The following FAM98B variants were observed in gnomAD, a reference collection of about 807,000 sequenced individuals.
The protein encoded by FAM98B is tRNA splicing ligase complex subunit 3B.
A neutral mutation model predicts 43.9 loss-of-function variants in FAM98B; 32 were observed. That is an observed-to-expected ratio of 0.73 (90% CI 0.55 to 0.98). FAM98B has a LOEUF of 0.98. Ranked by LOEUF, FAM98B falls within the 50% of genes least tolerant of loss-of-function variation. FAM98B has a pLI of 0.00. For missense variants in FAM98B, 514 were observed against 522.9 expected, an observed-to-expected ratio of 0.98 and a Z score of 0.17; for synonymous variants, 190 against 174.0, an observed-to-expected ratio of 1.09 and a Z score of -0.72.
chr15:38,479,383 C>G (rs910297917), intron 6 of FAM98B, among the ~76,000 whole-genome samples: 1 of 152,202 alleles, frequency 6.6e-6, no homozygotes, highest in African/African-American at 2.4e-5. Context: ...ATAGCTACCT[C>G]TCAGCAGTCA....
intron 3 of FAM98B, among the ~76,000 whole-genome samples, chr15:38,468,934 T>C (rs905686155): frequency 8.5e-5 from 13 of 152,244 alleles, no homozygotes; most frequent in Admixed American, 5.9e-4. Context: ...TGAGATGGAA[T>C]CTTGATCTGT....
chr15:38,473,859 T>C (rs1890158971), intron 5 of FAM98B, among the ~76,000 whole-genome samples: 1 of 152,216 alleles, frequency 6.6e-6, no homozygotes. Context: ...AGATGAGTTA[T>C]TGGTATTTTC....
chr15:38,474,238 A>T lies in FAM98B; in HGVS notation c.669A>T (p.Arg223=). ...CCTGTGAATATGAGTGCCGCCGACGAATGTTAATGAAACGATTAGATGTGA... is the reference window on the plus strand; with the variant it reads ...CCTGTGAATATGAGTGCCGCCGACGTATGTTAATGAAACGATTAGATGTGA... ...ALSCEYECRR[R]MLMKRLDVTV... The change falls in exon 6 of 8, where the codon CGA becomes CGT. Residue 223 remains arginine (R), a synonymous_variant. Transcript: ENST00000397609. 6.2e-7 allele frequency: 1 copy of T among 1,613,900 alleles called. No homozygotes were observed. Among genetic ancestry groups the T allele is most frequent in the Non-Finnish European group, 8.5e-7 (1 of 1,179,834 alleles).
rs370148758 is a variant in FAM98B, at chr15:38,454,268, G to C, written c.71+36G>C. On this transcript the variant is annotated intron_variant, in intron 1 of 7. Transcript: ENST00000397609. ...TTGGAGACGCCTTTTCCCTGAAAAC[G>C]CAACCTCTCCTTGGCCTGGCTGCTT... The C allele has an allele frequency of 2.0e-4, 310 of 1,576,446 alleles. 3 individuals carry two copies. The Middle Eastern group carries it at 4.5e-3, about 23-fold the overall frequency.
chr15:38,479,727 A>G (rs1239792634), intron 6 of FAM98B, among the ~76,000 whole-genome samples: 1 of 152,156 alleles, frequency 6.6e-6, no homozygotes, highest in Non-Finnish European at 1.5e-5. Context: ...TTTCAGAGTA[A>G]AATTTTATGG....
At chr15:38,463,125 A>G (rs955670058) in intron 1 of FAM98B, among the ~76,000 whole-genome samples, 11 of 152,262 alleles carry the variant, frequency 7.2e-5, no homozygotes, top group African/African-American at 2.7e-4. Context: ...AATTCAGTTA[A>G]GATAGTATAT....
At chr15:38,459,106 G>A (rs773618567) in intron 1 of FAM98B, 50 of 339,588 alleles carry the variant, frequency 1.5e-4, no homozygotes, top group South Asian at 3.7e-4. Context: ...TCTCTCATTC[G>A]TCTCTTTCCA....
At chr15:38,479,269 A>G (rs529248725) in intron 6 of FAM98B, among the ~76,000 whole-genome samples, 5 of 152,284 alleles carry the variant, frequency 3.3e-5, no homozygotes, top group African/African-American at 9.6e-5. Flanking sequence ...TGCCTGGCCA[A>G]AATATACCAT....
chr15:38,474,018 C>T (rs1890161106), intron 5 of FAM98B, among the ~76,000 whole-genome samples, 164 bp from the exon 6 acceptor site: 1 of 152,074 alleles, frequency 6.6e-6, no homozygotes, highest in South Asian at 2.1e-4. Flanking sequence ...TTCAATTATG[C>T]TTTAGTATTT....
chr15:38,470,902 G>A (rs1375330678), intron 4 of FAM98B, among the ~76,000 whole-genome samples: 1 of 151,824 alleles, frequency 6.6e-6, no homozygotes, highest in Non-Finnish European at 1.5e-5. Flanking sequence ...GTACCCTGAT[G>A]GGGGTAGTTA....
rs115849049 is a variant in FAM98B, at chr15:38,464,074, G to A, written c.114G>A (p.Ala38=). 404 of 1,613,168 alleles carry A rather than the reference G, an allele frequency of 2.5e-4. 2 individuals are homozygous for A. The African/African-American group carries it at 4.1e-3, about 16-fold the overall frequency. Residue 38 remains alanine, a synonymous_variant, in exon 2 of 8, where the codon GCG becomes GCA. Coordinates refer to ENST00000397609, the MANE Select transcript of FAM98B (RefSeq NM_173611.4). ...PLLEEQALTK[A]AEGGLSSPEF... is the part of the protein sequence containing the mutation. ...TAGAAGAGCAAGCCCTTACAAAGGC[G>A]GCAGAGGGTGGATTATCTTCACCTG...
intron 6 of FAM98B, among the ~76,000 whole-genome samples, chr15:38,474,934 C>T (rs1890175784): frequency 6.6e-6 from 1 of 152,116 alleles, no homozygotes; most frequent in Non-Finnish European, 1.5e-5. Flanking sequence ...GTCCTGTGTT[C>T]CTTGATGTCC....
At chr15:38,466,286 T>C (rs1225658467) in intron 3 of FAM98B, among the ~76,000 whole-genome samples, 1 of 151,852 alleles carries the variant, frequency 6.6e-6, no homozygotes, top group East Asian at 1.9e-4. Context: ...AAAAATTATA[T>C]GCCCTCTCTC....
At chr15:38,458,475 G>T (rs796080668) in intron 1 of FAM98B, among the ~76,000 whole-genome samples, 1 of 152,084 alleles carries the variant, frequency 6.6e-6, no homozygotes, top group South Asian at 2.1e-4. Flanking sequence ...CCACTGAAAC[G>T]CTATATGCTG....
intron 3 of FAM98B, among the ~76,000 whole-genome samples, chr15:38,465,782 TACTC>T (rs1163638454): frequency 2.0e-5 from 3 of 152,278 alleles, no homozygotes. Flanking sequence ...GTTGATCACT[TACTC>T]TAACACCAAG....
intron 6 of FAM98B, among the ~76,000 whole-genome samples, chr15:38,479,870 G>C (rs117844623): frequency 0.011 from 1,740 of 152,256 alleles, 20 homozygotes; most frequent in Non-Finnish European, 0.019. Flanking sequence ...GAAATGTTGT[G>C]TCACTTTAGC....
At chr15:38,464,653 A>G (rs1313686409) in intron 2 of FAM98B, among the ~76,000 whole-genome samples, 3 of 152,166 alleles carry the variant, frequency 2.0e-5, no homozygotes, top group Non-Finnish European at 2.9e-5. Context: ...TTAGTTCATT[A>G]CCATCTTAGT....
intron 1 of FAM98B, chr15:38,458,906 A>G (rs79690801): frequency 2.3e-6 from 1 of 439,342 alleles, no homozygotes; most frequent in African/African-American, 2.0e-5. Flanking sequence ...AGAAGCAGAC[A>G]AGTTGTCCAG....
chr15:38,484,620 TGGTGGTGGTGGTGGAGGA>T lies in FAM98B; in HGVS notation c.1269_1286del (p.Gly424_Gly429del). 1 of 1,088,826 alleles carries T rather than the reference TGGTGGTGGTGGTGGAGGA, an allele frequency of 9.2e-7. No homozygotes were observed. The highest frequency in any genetic ancestry group is 1.2e-6 in the Non-Finnish European group (1 of 801,862). 67.4% of individuals were successfully genotyped at this position (1,088,826 alleles called of 1,614,324 possible). On this transcript the variant is annotated inframe_deletion, in exon 8 of 8. Coordinates refer to ENST00000397609, the MANE Select transcript of FAM98B (RefSeq NM_173611.4). ...CATATGGAGGAGGTGGTGGTGGTGG[TGGTGGTGGTGGTGGAGGA>T]GGTGGATATAGAAGATACTAAAAAC...
Sources: gnomAD v4.1 joint callset for allele counts (sites outside exome capture counted in the v4.1 genomes callset) on GRCh38, gnomAD v4.1.1 for gene constraint, MANE v1.5 for transcripts, NCBI Gene and HGNC (gene_info 2026-07-23, HGNC 2026-07-21) for gene names.